The following XPR1 variants were observed in gnomAD, a reference collection of about 807,000 sequenced individuals.
XPR1 encodes the protein solute carrier family 53 member 1.
A neutral mutation model predicts 87.5 loss-of-function variants in XPR1; 28 were observed. The ratio of observed to expected loss-of-function variants is 0.32; its 90% CI spans 0.24 to 0.44. The LOEUF is 0.44. Ranked by LOEUF, XPR1 falls within the 20% of genes least tolerant of loss-of-function variation. XPR1 has a pLI of 1.00. For missense variants in XPR1, 559 were observed against 862.3 expected (o/e 0.65, Z 4.41); for synonymous variants, 300 against 306.1 (o/e 0.98, Z 0.21).
At chr1:180,862,352 C>T (rs1347475063) in intron 11 of XPR1, among the ~76,000 whole-genome samples, 3 of 152,086 alleles carry the variant, frequency 2.0e-5, no homozygotes, top group Non-Finnish European at 2.9e-5. Context: ...GTCACCTACA[C>T]TAGATGTAGG....
chr1:180,852,975 C>A (rs1392297341), intron 11 of XPR1, among the ~76,000 whole-genome samples: 2 of 152,102 alleles, frequency 1.3e-5, no homozygotes, highest in Non-Finnish European at 1.5e-5. Flanking sequence ...AATGTATCCC[C>A]CACAGATTGC....
At chr1:180,736,783 G>A (rs1242008863) in intron 2 of XPR1, among the ~76,000 whole-genome samples, 3 of 152,110 alleles carry the variant, frequency 2.0e-5, no homozygotes, top group Non-Finnish European at 2.9e-5. Flanking sequence ...GGGGTGAGGA[G>A]TGGAGACCAA....
intron 2 of XPR1, among the ~76,000 whole-genome samples, chr1:180,708,256 C>G (rs965283433): frequency 1.3e-5 from 2 of 152,150 alleles, no homozygotes; most frequent in Non-Finnish European, 2.9e-5. Context: ...GCATCTGACT[C>G]TCATGTCATC....
chr1:180,728,284 A>T (rs1291879065), intron 2 of XPR1, among the ~76,000 whole-genome samples: 1 of 117,936 alleles, frequency 8.5e-6, no homozygotes, highest in Non-Finnish European at 1.7e-5. Context: ...GAGAAAAAGG[A>T]GTTGTTTATA....
chr1:180,651,298 G>T (rs961127274), intron 1 of XPR1, among the ~76,000 whole-genome samples: 3 of 152,052 alleles, frequency 2.0e-5, no homozygotes, highest in Non-Finnish European at 4.4e-5. Flanking sequence ...CACCATGTTG[G>T]CCAGGCTGGT....
chr1:180,674,465 G>C (rs192467846), intron 1 of XPR1, among the ~76,000 whole-genome samples: 4 of 152,192 alleles, frequency 2.6e-5, no homozygotes, highest in African/African-American at 9.6e-5. Flanking sequence ...CACCATGTTG[G>C]CAAGGCTGGT....
chr1:180,687,062 C>T (rs1026375968), intron 2 of XPR1, among the ~76,000 whole-genome samples: 4 of 151,680 alleles, frequency 2.6e-5, no homozygotes, highest in Non-Finnish European at 4.4e-5. Flanking sequence ...TTTTATATGC[C>T]GTAAAGAATA....
In XPR1 at chr1:180,880,163, C is replaced by G; in HGVS notation, c.1896C>G (p.Ala632=). ...EFRAVRDISV[A]PLNADDQTLL... is the part of the protein sequence containing the mutation. ...GTGCTGTGCGGGACATCTCTGTGGC[C>G]CCCCTGAACGCAGATGATCAGACTC... is the stretch of plus-strand genomic sequence containing the variant. Residue 632 remains alanine, a synonymous_variant, in exon 14 of 15, where the codon GCC becomes GCG. Coordinates refer to ENST00000367590, the MANE Select transcript of XPR1 (RefSeq NM_004736.4). 1 of 1,614,066 alleles carries G rather than the reference C, an allele frequency of 6.2e-7. No homozygotes were observed. The highest frequency in any genetic ancestry group is 1.1e-5 in the South Asian group (1 of 91,078).
intron 1 of XPR1, among the ~76,000 whole-genome samples, chr1:180,643,078 T>C (rs1655008069): frequency 6.6e-6 from 1 of 152,104 alleles, no homozygotes. Context: ...GTAATACCAT[T>C]CTAAGAAGTT....
chr1:180,818,265 G>T (rs73042707), intron 7 of XPR1, among the ~76,000 whole-genome samples: 6,535 of 150,616 alleles, frequency 0.043, 500 homozygotes, highest in African/African-American at 0.15. Context: ...AGAAAAGTGA[G>T]TTGGCAACTT....
chr1:180,754,222 A>C (rs745518759), intron 2 of XPR1, among the ~76,000 whole-genome samples: 1 of 152,172 alleles, frequency 6.6e-6, no homozygotes, highest in African/African-American at 2.4e-5. Flanking sequence ...ACTATTATCT[A>C]TTCTGGCTAC....
intron 14 of XPR1, among the ~76,000 whole-genome samples, chr1:180,880,880 T>A (rs1299368550): frequency 1.3e-5 from 2 of 152,210 alleles, no homozygotes; most frequent in East Asian, 3.8e-4. Context: ...TGCTAAAAGT[T>A]ACCATAAATG....
Position 180,790,224 on chromosome 1 carries a change from T to A in XPR1, c.223+2370T>A, listed in dbSNP as rs574026692. Among the ~76,000 whole-genome samples, 6 of 152,262 alleles carry A rather than the reference T, an allele frequency of 3.9e-5. No homozygotes were observed. The South Asian group carries it at 1.2e-3, about 32-fold the overall frequency. Reference sequence around the variant, plus strand: ...ATATCCCTCTTTATTCCACGGGAGATCTTTACGACTACTGACTAAATTTCA... The same window carrying A: ...ATATCCCTCTTTATTCCACGGGAGAACTTTACGACTACTGACTAAATTTCA... On this transcript the variant is annotated intron_variant, in intron 3 of 14. Coordinates refer to ENST00000367590, the MANE Select transcript of XPR1 (RefSeq NM_004736.4).
chr1:180,848,582 A>AT (rs909467951), intron 11 of XPR1, among the ~76,000 whole-genome samples: 14 of 152,102 alleles, frequency 9.2e-5, no homozygotes, highest in East Asian at 5.8e-4. Flanking sequence ...ACTTATGTTG[A>AT]TTTTTTTATC....
chr1:180,795,109 G>A (rs536084422), intron 3 of XPR1, among the ~76,000 whole-genome samples: 1 of 152,258 alleles, frequency 6.6e-6, no homozygotes, highest in African/African-American at 2.4e-5. Context: ...TAGCAAGATG[G>A]TAATATTGTA....
intron 1 of XPR1, among the ~76,000 whole-genome samples, chr1:180,637,693 A>C (rs1654830085): frequency 6.6e-6 from 1 of 152,066 alleles, no homozygotes; most frequent in African/African-American, 2.4e-5. Flanking sequence ...AGCTGGCATT[A>C]CAGGCGCGCG....
intron 11 of XPR1, among the ~76,000 whole-genome samples, chr1:180,840,528 A>G (rs1171157343): frequency 3.4e-5 from 3 of 87,964 alleles, no homozygotes; most frequent in Non-Finnish European, 7.5e-5. Context: ...TCAGGTTAAC[A>G]TATTTGTGTG....
At position 180,736,964 on chromosome 1, in the gene XPR1, G is replaced by A. The variant is rs188997586; in HGVS notation, c.122-50789G>A. ...CGATGTCTCAAGCAGCCGCAAGATG[G>A]TGGATACTCACACCTGCCCTGTGGA... On this transcript the variant is annotated intron_variant, in intron 2 of 14. Coordinates refer to ENST00000367590, the MANE Select transcript of XPR1 (RefSeq NM_004736.4). Among the ~76,000 whole-genome samples the A allele has an allele frequency of 3.8e-3, 585 of 152,296 alleles. 5 individuals carry two copies. The highest frequency in any genetic ancestry group is 4.8e-3 in the Non-Finnish European group (324 of 68,034).
At chr1:180,758,469 A>G (rs527440813) in intron 2 of XPR1, among the ~76,000 whole-genome samples, 101 of 152,260 alleles carry the variant, frequency 6.6e-4, no homozygotes, top group Middle Eastern at 3.4e-3. Flanking sequence ...AGCACTTGGG[A>G]GGCCGAGGTG....
Sources: allele counts gnomAD v4.1 joint callset (sites outside exome capture counted in the v4.1 genomes callset), GRCh38; gene constraint gnomAD v4.1.1; transcripts MANE v1.5; gene names NCBI Gene and HGNC (gene_info 2026-07-23, HGNC 2026-07-21).